SPG7: variants seen among roughly 807,000 people sequenced by gnomAD.
SPG7 encodes the protein SPG7 matrix AAA peptidase subunit, paraplegin.
In SPG7, 103 loss-of-function variants were observed where a neutral mutation model predicts 81.9. The observed-to-expected ratio is 1.26, with a 90% CI of 1.07 to 1.48. The LOEUF (loss-of-function observed/expected upper bound fraction) is 1.48, where lower values mean the gene tolerates loss of function less well. SPG7 is among the 40% of genes most tolerant of loss of function. SPG7 has a pLI of 0.00. For synonymous variants in SPG7, 534 were observed against 444.2 expected (o/e 1.20, Z -2.54); for missense variants, 1,241 against 1,087.3 (o/e 1.14, Z -1.99).
chr16:89,534,515 T>G (rs187946417), intron 9 of SPG7, among the ~76,000 whole-genome samples: 6 of 152,226 alleles, frequency 3.9e-5, no homozygotes, highest in Non-Finnish European at 8.8e-5. Context: ...ACATTTTAGG[T>G]ATTGTAGATG....
At chr16:89,529,661 T>C in intron 6 of SPG7, 82 bp downstream of exon 6, 2 of 1,033,754 alleles carry the variant, frequency 1.9e-6, no homozygotes, top group Non-Finnish European at 3.0e-6. Flanking sequence ...ATACGATGAA[T>C]ACACAGGGAA....
Position 89,557,404 on chromosome 16 carries a change from C to G in SPG7, c.*311C>G, listed in dbSNP as rs1287966226. ...GTCGTTCCCAGTGTGGCTGAGGCCACCCAGAGGCAGCAGAGCATTCAGACT... is the reference window on the plus strand; with the variant it reads ...GTCGTTCCCAGTGTGGCTGAGGCCAGCCAGAGGCAGCAGAGCATTCAGACT... On this transcript the variant is annotated 3_prime_UTR_variant, in exon 17 of 17. Coordinates refer to ENST00000645818, the MANE Select transcript of SPG7 (RefSeq NM_003119.4). 4.9e-6 allele frequency: 2 copies of G among 411,710 alleles called. No homozygotes were observed. The highest frequency in any genetic ancestry group is 1.0e-4 in the East Asian group (2 of 19,230). The allele number at this position is 411,710 out of a possible 1,614,324, so 25.5% of individuals were successfully genotyped here. A position where few individuals can be genotyped will look rare whatever the true frequency, so the allele number is the denominator to read the frequency against.
intron 13 of SPG7, chr16:89,551,115 G>A (rs2058629950): frequency 4.6e-6 from 1 of 216,342 alleles, no homozygotes; most frequent in Admixed American, 5.1e-5. Flanking sequence ...GAACTCGATG[G>A]ACATTTATTC....
Position 89,544,946 on chromosome 16 carries a change from C to T in SPG7, c.1449+174C>T, listed in dbSNP as rs78718968. ...GGCTGCACGCCCCCAGCAGACCTGC[C>T]CACCGGCTGCACTCACTGCTGTGGC... On this transcript the variant is annotated intron_variant, in intron 10 of 16. Transcript: ENST00000645818. 3,180 of 739,596 alleles carry T rather than the reference C, an allele frequency of 4.3e-3. 74 individuals carry two copies. In the African/African-American group the frequency reaches 0.049, roughly 11 times the overall value. 45.8% of individuals were successfully genotyped at this position (739,596 alleles called of 1,614,324 possible).
intron 11 of SPG7, chr16:89,547,516 C>G (rs1436584969): frequency 1.4e-5 from 3 of 218,814 alleles, no homozygotes; most frequent in Admixed American, 5.3e-5. Context: ...CTCCCCAGCT[C>G]TGCTCCTGGC....
rs2058354994 is a variant in SPG7 at position 89,532,311 on chromosome 16, C to A, written c.1151-152C>A. 9 of 1,039,734 alleles carry A rather than the reference C, an allele frequency of 8.7e-6. No homozygotes were observed. The East Asian group carries it at 2.1e-4, about 24-fold the overall frequency. The allele number at this position is 1,039,734 out of a possible 1,614,324, so 64.4% of individuals were successfully genotyped here. On this transcript the variant is annotated intron_variant, in intron 8 of 16. Transcript: ENST00000645818. Reference sequence around the variant, plus strand: ...GTGAACCCTGAGGGGTGGCCAGGGGCCCCCGCGAGCAGCTGCCGTGTGTCT... The same window carrying A: ...GTGAACCCTGAGGGGTGGCCAGGGGACCCCGCGAGCAGCTGCCGTGTGTCT...
chr16:89,547,848 G>A, intron 11 of SPG7, 155 bp from the exon 12 acceptor site: 1 of 693,268 alleles, frequency 1.4e-6, no homozygotes, highest in Non-Finnish European at 2.6e-6. Context: ...CCTGACCTCA[G>A]GTGATCTGCC....
At chr16:89,516,049 G>A (rs528263342) in intron 3 of SPG7, among the ~76,000 whole-genome samples, 2 of 151,580 alleles carry the variant, frequency 1.3e-5, no homozygotes, top group Non-Finnish European at 2.9e-5. Flanking sequence ...GTGCAATGGC[G>A]TAATTTCAGA....
chr16:89,508,497 C>G lies in SPG7; in HGVS notation c.80C>G (p.Pro27Arg), dbSNP rs878854605. The change falls in exon 1 of 17, where the codon CCG becomes CGG. Residue 27 changes from proline to arginine, a missense_variant. Pro to Arg is a moderately radical substitution (Grantham distance 103, BLOSUM62 -2). Transcript: ENST00000645818. The stretch of plus-strand genomic sequence containing the variant: ...CCTCGGCCGCTGTGGGGCCCAGGCC[C>G]GGCCTGGAGTCCAGGGTTCCCCGCC... ...PGPRPLWGPG[P>R]AWSPGFPARP... is the part of the protein sequence containing the mutation. The G allele has an allele frequency of 1.2e-4, 177 of 1,512,292 alleles. No individual in the cohort carries two copies. Among genetic ancestry groups the G allele is most frequent in the Non-Finnish European group, 1.4e-4 (157 of 1,137,014 alleles). The allele number at this position is 1,512,292 out of a possible 1,614,324, so 93.7% of individuals were successfully genotyped here.
At chr16:89,543,161 A>T (rs138927718) in intron 9 of SPG7, 2 of 151,548 alleles carry the variant, frequency 1.3e-5, no homozygotes, top group East Asian at 1.9e-4. Flanking sequence ...GTTAGCCAGG[A>T]TGCTCTCCAT....
intron 4 of SPG7, 82 bp downstream of exon 4, chr16:89,524,329 T>G (rs2058233992): frequency 6.7e-7 from 1 of 1,492,200 alleles, no homozygotes; most frequent in Non-Finnish European, 9.1e-7. Flanking sequence ...TGGGCTCCTG[T>G]GAATGAGGGT....
intron 3 of SPG7, among the ~76,000 whole-genome samples, chr16:89,514,861 C>G (rs975807422): frequency 4.0e-5 from 6 of 151,666 alleles, no homozygotes; most frequent in Non-Finnish European, 7.4e-5. Flanking sequence ...AACTCCTGAC[C>G]TCAGGTGATT....
At chr16:89,510,384 C>T (rs530021577) in intron 1 of SPG7, 106 bp from the exon 2 acceptor site, 3 of 702,668 alleles carry the variant, frequency 4.3e-6, no homozygotes, top group Admixed American at 4.5e-5. Flanking sequence ...GTAGATATTA[C>T]AAATAATTAT....
chr16:89,510,271 G>A (rs778286068), intron 1 of SPG7, among the ~76,000 whole-genome samples: 2 of 152,112 alleles, frequency 1.3e-5, no homozygotes, highest in Admixed American at 6.6e-5. Flanking sequence ...CACCACGCCT[G>A]GCCAATTACT....
Position 89,532,045 on chromosome 16 carries a change from G to T in SPG7, c.1129G>T (p.Glu377Ter). The change falls in exon 8 of 17, where the codon GAG becomes TAG. Residue 377 changes from glutamate (E) to a stop codon, truncating the protein, a stop_gained. Coordinates refer to ENST00000645818, the MANE Select transcript of SPG7 (RefSeq NM_003119.4). LOFTEE classifies it high-confidence loss of function. ...GCCCTTCCTGGCGATGGCCGGCCCAGAGTTCGTGGAGGTCATTGGAGGTAG... is the reference window on the plus strand; with the variant it reads ...GCCCTTCCTGGCGATGGCCGGCCCATAGTTCGTGGAGGTCATTGGAGGTAG... ...QVPFLAMAGP[E>*]FVEVIGGLGA... 3 of 1,613,042 alleles carry T rather than the reference G, an allele frequency of 1.9e-6. No homozygotes were observed. Among genetic ancestry groups the T allele is most frequent in the Non-Finnish European group, 2.5e-6 (3 of 1,179,988 alleles).
intron 12 of SPG7, chr16:89,548,853 A>C: frequency 2.3e-6 from 1 of 438,416 alleles, no homozygotes; most frequent in Non-Finnish European, 4.6e-6. Flanking sequence ...TGAACGTTTG[A>C]AAAGGGAAGT....
In SPG7 at chr16:89,535,407, T is replaced by C. The variant is rs562412954; in HGVS notation, c.1324+2771T>C. 2.2e-4 allele frequency among the ~76,000 whole-genome samples: 33 copies of C among 152,304 alleles called. 2 individuals carry two copies. In the South Asian group the frequency reaches 6.4e-3, roughly 30 times the overall value. ...CTGAGGTTAGAAGATGAAAGTGAGA[T>C]TCCCGACAGTGTGCAGGACGCAACG... is the stretch of plus-strand genomic sequence containing the variant. On this transcript the variant is annotated intron_variant, in intron 9 of 16. Coordinates refer to ENST00000645818, the MANE Select transcript of SPG7 (RefSeq NM_003119.4).
At chr16:89,549,629 C>T in intron 12 of SPG7, 1 of 218,870 alleles carries the variant, frequency 4.6e-6, no homozygotes, top group South Asian at 6.4e-5. Flanking sequence ...GATCGCACCA[C>T]TGCCCTCCAG....
chr16:89,511,507 C>T (rs1433541145), intron 2 of SPG7, among the ~76,000 whole-genome samples: 1 of 152,210 alleles, frequency 6.6e-6, no homozygotes. Context: ...GGGAGAGTGC[C>T]GTGCCCACTG....
Sources: allele counts gnomAD v4.1 joint callset (sites outside exome capture counted in the v4.1 genomes callset), GRCh38; gene constraint gnomAD v4.1.1; transcripts MANE v1.5; gene names NCBI Gene and HGNC (gene_info 2026-07-23, HGNC 2026-07-21).